VIT: variants seen among roughly 807,000 people sequenced by gnomAD.
VIT encodes the protein vitrin.
In VIT, 99 loss-of-function variants were observed where a neutral mutation model predicts 78.0. That is an observed-to-expected ratio of 1.27 (90% CI 1.08 to 1.50). The LOEUF (loss-of-function observed/expected upper bound fraction) is 1.50, where lower values mean the gene tolerates loss of function less well. Among genes scored for constraint, VIT ranks in the 40% most tolerant of loss-of-function variants. The probability of loss-of-function intolerance (pLI) is 0.00; values close to 1 mark genes in which losing one functional copy is unlikely to be tolerated. For missense variants in VIT, 1,126 were observed against 875.3 expected (o/e 1.29, Z -3.61); for synonymous variants, 374 against 334.3 (o/e 1.12, Z -1.29).
chr2:36,738,121 T>C (rs188392651), intron 3 of VIT, among the ~76,000 whole-genome samples: 28 of 152,302 alleles, frequency 1.8e-4, no homozygotes, highest in Admixed American at 5.9e-4. Context: ...CACACATGCA[T>C]ACACACAACC....
At chr2:36,714,794 C>T (rs1666021732) in intron 1 of VIT, among the ~76,000 whole-genome samples, 1 of 152,170 alleles carries the variant, frequency 6.6e-6, no homozygotes, top group South Asian at 2.1e-4. Context: ...TTAGTTTCCT[C>T]ATCTGTTCAA....
At chr2:36,711,173 G>T (rs1368212667) in intron 1 of VIT, among the ~76,000 whole-genome samples, 1 of 152,092 alleles carries the variant, frequency 6.6e-6, no homozygotes, top group Admixed American at 6.5e-5. Context: ...TACACTTCCT[G>T]GTCACCAGTG....
intron 2 of VIT, among the ~76,000 whole-genome samples, chr2:36,724,021 A>AT (rs111231114): frequency 0.055 from 7,814 of 142,704 alleles, 194 homozygotes; most frequent in Middle Eastern, 0.076. Flanking sequence ...AAACACTGGA[A>AT]TTTTTTTTTT....
At chr2:36,741,602 C>G (rs1667838695) in intron 3 of VIT, among the ~76,000 whole-genome samples, 1 of 152,160 alleles carries the variant, frequency 6.6e-6, no homozygotes, top group South Asian at 2.1e-4. Flanking sequence ...TTGGATACAG[C>G]TGGAAGCCAT....
At chr2:36,699,956 A>G (rs1033581953) in intron 1 of VIT, among the ~76,000 whole-genome samples, 2 of 152,198 alleles carry the variant, frequency 1.3e-5, no homozygotes, top group Admixed American at 6.5e-5. Flanking sequence ...AAATGGGTCT[A>G]TTACTACTGC....
At chr2:36,781,115 G>A (rs1345610158) in intron 9 of VIT, among the ~76,000 whole-genome samples, 1 of 152,182 alleles carries the variant, frequency 6.6e-6, no homozygotes, top group Non-Finnish European at 1.5e-5. Context: ...ACAGTGAGAA[G>A]CAGAATCTCG....
At chr2:36,710,429 T>G (rs1401435174) in intron 1 of VIT, among the ~76,000 whole-genome samples, 1 of 152,162 alleles carries the variant, frequency 6.6e-6, no homozygotes, top group African/African-American at 2.4e-5. Context: ...TAGAGTCTGA[T>G]AAGTTTTGGC....
intron 12 of VIT, among the ~76,000 whole-genome samples, chr2:36,792,116 G>C (rs1000760071): frequency 6.6e-6 from 1 of 152,144 alleles, no homozygotes; most frequent in African/African-American, 2.4e-5. Flanking sequence ...TCCTGCCTCA[G>C]ACCTATTAAA....
chr2:36,716,869 C>CTTTTTTTT (rs557873230), intron 2 of VIT, among the ~76,000 whole-genome samples: 1 of 78,676 alleles, frequency 1.3e-5, no homozygotes, highest in Non-Finnish European at 2.3e-5. Context: ...AGAGATGATT[C>CTTTTTTTT]TTTTTTTTTT....
At chr2:36,736,336 C>CA (rs1667506254) in intron 3 of VIT, among the ~76,000 whole-genome samples, 1 of 152,072 alleles carries the variant, frequency 6.6e-6, no homozygotes, top group African/African-American at 2.4e-5. Context: ...GTTACTCATT[C>CA]AAAAAAGGCC....
At chr2:36,765,435 A>AG (rs1553372934) in intron 6 of VIT, among the ~76,000 whole-genome samples, 9,051 of 135,156 alleles carry the variant, frequency 0.067, 644 homozygotes, top group African/African-American at 0.16. Flanking sequence ...GAGAGAGAGA[A>AG]AGAGAGAGAG....
At position 36,787,131 on chromosome 2, in the gene VIT, T is replaced by G; in HGVS notation, c.913T>G (p.Cys305Gly). The part of the protein sequence containing the change: ...LEPVSLGDPN[C>G]KIDLSFLIDG... ...TAGAGTCTTTTTCCGTTCCGCAGAC[T>G]GCAAAATTGACTTGTCGTTTTTAAT... The change falls in exon 12 of 16, where the codon TGC becomes GGC. Residue 305 changes from cysteine (C) to glycine (G), a missense_variant and splice_region_variant. Transcript: ENST00000379242. 2 of 1,614,210 alleles carry G rather than the reference T, an allele frequency of 1.2e-6. No individual in the cohort carries two copies. The highest frequency in any genetic ancestry group is 1.7e-6 in the Non-Finnish European group (2 of 1,180,046).
At chr2:36,805,918 A>G (rs1247772696) in intron 14 of VIT, among the ~76,000 whole-genome samples, 1 of 151,882 alleles carries the variant, frequency 6.6e-6, no homozygotes, top group African/African-American at 2.4e-5. Context: ...CTCCTTCCAC[A>G]GCCCCAGGGG....
At chr2:36,768,590 C>T (rs1294463292) in intron 7 of VIT, among the ~76,000 whole-genome samples, 2 of 152,018 alleles carry the variant, frequency 1.3e-5, no homozygotes, top group Non-Finnish European at 2.9e-5. Flanking sequence ...ATGAGGAAAC[C>T]AAGGAGTAAG....
Position 36,729,485 on chromosome 2 carries a change from A to G in VIT, c.112A>G (p.Lys38Glu). 6.2e-7 allele frequency: 1 copy of G among 1,608,670 alleles called. No homozygotes were observed. Among genetic ancestry groups the G allele is most frequent in the Non-Finnish European group, 8.5e-7 (1 of 1,177,620 alleles). Residue 38 changes from lysine (K) to glutamate (E), a missense_variant, in exon 3 of 16, where the codon AAG (lysine) becomes GAG (glutamate). Lys to Glu is a moderately conservative substitution (Grantham distance 56). Transcript: ENST00000379242. ...AACGGCAAAGAAGATTAAAAGGCCC[A>G]AGTTCAGTAAGTAAAATCACAATTC... ...KETAKKIKRP[K>E]FTVPQINCDV...
At chr2:36,705,766 C>T (rs902229541) in intron 1 of VIT, among the ~76,000 whole-genome samples, 1 of 152,212 alleles carries the variant, frequency 6.6e-6, no homozygotes, top group Non-Finnish European at 1.5e-5. Flanking sequence ...TGTCAGTAAG[C>T]ATAACGTTCT....
intron 1 of VIT, among the ~76,000 whole-genome samples, chr2:36,705,052 G>C (rs927491259): frequency 6.6e-6 from 1 of 152,164 alleles, no homozygotes; most frequent in African/African-American, 2.4e-5. Flanking sequence ...CCAAAGGGAA[G>C]AACGGGGAGG....
At chr2:36,771,352 C>T (rs1669741248) in intron 7 of VIT, among the ~76,000 whole-genome samples, 1 of 151,926 alleles carries the variant, frequency 6.6e-6, no homozygotes, top group Non-Finnish European at 1.5e-5. Flanking sequence ...ATGGTGAAAC[C>T]CCATCTCTAC....
intron 4 of VIT, among the ~76,000 whole-genome samples, chr2:36,753,781 G>A (rs1049744336): frequency 2.0e-5 from 3 of 152,184 alleles, no homozygotes; most frequent in African/African-American, 7.2e-5. Flanking sequence ...CAGGGAGCCC[G>A]GAGAGAAGAG....
Sources: gnomAD v4.1 joint callset for allele counts (sites outside exome capture counted in the v4.1 genomes callset) on GRCh38, gnomAD v4.1.1 for gene constraint, MANE v1.5 for transcripts, NCBI Gene and HGNC (gene_info 2026-07-23, HGNC 2026-07-21) for gene names.